The following CSMD1 variants were observed in gnomAD, a reference collection of about 807,000 sequenced individuals.
CSMD1 encodes CUB and Sushi multiple domains 1.
A neutral mutation model predicts 417.5 loss-of-function variants in CSMD1; 213 were observed. That is an observed-to-expected ratio of 0.51 (90% CI 0.46 to 0.57). The LOEUF (loss-of-function observed/expected upper bound fraction) is 0.57. Among genes scored for constraint, CSMD1 ranks in the 20% least tolerant of loss-of-function variants. CSMD1 has a pLI of 0.00. For synonymous variants in CSMD1, 2,862 were observed against 1,736.8 expected, an observed-to-expected ratio of 1.65 and a Z score of -16.11; for missense variants, 6,923 against 4,529.7, an observed-to-expected ratio of 1.53 and a Z score of -15.17.
intron 2 of CSMD1, among the ~76,000 whole-genome samples, chr8:4,613,159 G>C (rs1298160795): frequency 6.6e-6 from 1 of 152,092 alleles, no homozygotes; most frequent in African/African-American, 2.4e-5. Context: ...TCCCATAAGA[G>C]AACAAGAACA....
chr8:4,311,826 C>T (rs149068589), intron 3 of CSMD1, among the ~76,000 whole-genome samples: 135 of 151,348 alleles, frequency 8.9e-4, no homozygotes, highest in African/African-American at 2.9e-3. Context: ...GTGGAGAGTG[C>T]GAAGGAGAGG....
intron 12 of CSMD1, among the ~76,000 whole-genome samples, chr8:3,425,820 T>A (rs1471680866): frequency 6.6e-6 from 1 of 152,092 alleles, no homozygotes; most frequent in Non-Finnish European, 1.5e-5. Flanking sequence ...TCACGTATAT[T>A]GACATTGAGG....
chr8:4,493,863 A>G (rs1043153040), intron 2 of CSMD1, among the ~76,000 whole-genome samples: 113 of 152,334 alleles, frequency 7.4e-4, no homozygotes, highest in African/African-American at 2.4e-3. Context: ...TCCAGCCATG[A>G]CTGACCTCAT....
At chr8:3,374,333 G>A (rs940873335) in intron 18 of CSMD1, among the ~76,000 whole-genome samples, 2 of 152,010 alleles carry the variant, frequency 1.3e-5, no homozygotes, top group Non-Finnish European at 2.9e-5. Context: ...TGCATTTAGA[G>A]TTACTTATTA....
intron 3 of CSMD1, among the ~76,000 whole-genome samples, chr8:4,305,112 T>G (rs953391326): frequency 6.6e-6 from 1 of 152,196 alleles, no homozygotes; most frequent in Non-Finnish European, 1.5e-5. Context: ...TGGATAAAAT[T>G]TCAAAAATAA....
chr8:3,448,884 C>A (rs73660013), intron 12 of CSMD1, among the ~76,000 whole-genome samples: 12,112 of 152,284 alleles, frequency 0.08, 1,149 homozygotes, highest in African/African-American at 0.21. Context: ...AGGCATAATT[C>A]TATTCCAGAA....
At chr8:3,255,067 G>T (rs1348865459) in intron 26 of CSMD1, among the ~76,000 whole-genome samples, 2 of 152,178 alleles carry the variant, frequency 1.3e-5, no homozygotes, top group Non-Finnish European at 2.9e-5. Context: ...TGTCCTTCCT[G>T]TTTGTTAGTT....
Position 4,203,681 on chromosome 8 carries a change from G to A in CSMD1, c.416-171582C>T, listed in dbSNP as rs140393270. Among the ~76,000 whole-genome samples the A allele has an allele frequency of 5.5e-3, 836 of 152,114 alleles. 9 individuals are homozygous for A. Among genetic ancestry groups the A allele is most frequent in the African/African-American group, 0.019 (779 of 41,470 alleles). ...TGGTTCCTCTCCTGGCCATTTGTAAGTAGGGATCACACACACACAAACATA... is the reference window on the plus strand; with the variant it reads ...TGGTTCCTCTCCTGGCCATTTGTAAATAGGGATCACACACACACAAACATA... On this transcript the variant is annotated intron_variant, in intron 3 of 69. Coordinates refer to ENST00000635120, the MANE Select transcript of CSMD1 (RefSeq NM_033225.6).
rs138960748 is a variant in CSMD1, at chr8:4,888,740, G to A, written c.85+105592C>T. The stretch of plus-strand genomic sequence containing the variant: ...CAGGGAAAGTGCAGGCCAAGCCTGG[G>A]ATATGTGTTAGGGCTAAAAAGTAAG... On this transcript the variant is annotated intron_variant, in intron 1 of 69. Coordinates refer to ENST00000635120, the MANE Select transcript of CSMD1 (RefSeq NM_033225.6). Among the ~76,000 whole-genome samples the A allele has an allele frequency of 2.5e-3, 374 of 152,172 alleles. 5 individuals carry two copies. The highest frequency in any genetic ancestry group is 8.4e-3 in the African/African-American group (349 of 41,464).
chr8:4,398,314 T>C (rs1036233212), intron 3 of CSMD1, among the ~76,000 whole-genome samples: 2 of 152,126 alleles, frequency 1.3e-5, no homozygotes. Context: ...TAGTATGAGT[T>C]TTAAATATTC....
At position 3,362,451 on chromosome 8, in the gene CSMD1, T is replaced by C. The variant is rs573411123; in HGVS notation, c.3116-3111A>G. On this transcript the variant is annotated intron_variant, in intron 20 of 69. Transcript: ENST00000635120. The stretch of plus-strand genomic sequence containing the variant: ...TAATACAGTTGAATGCTCTCTTTTT[T>C]CTCCAAAGGCTTTCCTTTCTTAGCT... 3.3e-5 allele frequency among the ~76,000 whole-genome samples: 5 copies of C among 152,304 alleles called. No homozygotes were observed. The East Asian group carries it at 9.7e-4, about 29-fold the overall frequency.
rs60269580 is a variant in CSMD1 at position 4,044,749 on chromosome 8, CCACCCTGGCCACATAG to C, written c.416-12666_416-12651del. ...GGACACGTACCACCCTGGGCATGTA[CCACCCTGGCCACATAG>C]CACCCTAGCCGTGTAGCACCCTGAG... On this transcript the variant is annotated intron_variant, in intron 3 of 69. Transcript: ENST00000635120. Among the ~76,000 whole-genome samples the C allele has an allele frequency of 7.5e-3, 1,138 of 152,316 alleles. 13 individuals are homozygous for C. Among genetic ancestry groups the C allele is most frequent in the African/African-American group, 0.026 (1,085 of 41,556 alleles).
At chr8:4,626,339 T>C (rs146359340) in intron 2 of CSMD1, among the ~76,000 whole-genome samples, 2 of 149,162 alleles carry the variant, frequency 1.3e-5, no homozygotes, top group Non-Finnish European at 3.0e-5. Flanking sequence ...CAGCCACACC[T>C]TTTTTTTTAA....
chr8:4,847,399 T>A (rs1425823949), intron 1 of CSMD1, among the ~76,000 whole-genome samples: 1 of 152,196 alleles, frequency 6.6e-6, no homozygotes, highest in African/African-American at 2.4e-5. Context: ...TCTTTTTCAA[T>A]AAATTTTAAA....
intron 1 of CSMD1, among the ~76,000 whole-genome samples, chr8:4,681,910 C>T (rs1005654765): frequency 2.0e-5 from 3 of 152,148 alleles, no homozygotes; most frequent in Admixed American, 6.5e-5. Context: ...GTAAGCCCTA[C>T]CTCGTGCTTG....
At chr8:3,453,770 G>A (rs1024513716) in intron 12 of CSMD1, among the ~76,000 whole-genome samples, 11 of 152,164 alleles carry the variant, frequency 7.2e-5, no homozygotes, top group African/African-American at 1.7e-4. Context: ...GTATGGTGCT[G>A]AAAAGAATAT....
chr8:3,362,930 T>C (rs749064530), intron 20 of CSMD1, among the ~76,000 whole-genome samples: 22 of 152,202 alleles, frequency 1.4e-4, no homozygotes, highest in Non-Finnish European at 2.5e-4. Flanking sequence ...CAAGTAAACA[T>C]TGAAAAAGCT....
intron 2 of CSMD1, among the ~76,000 whole-genome samples, chr8:4,459,595 A>G (rs992005791): frequency 6.6e-6 from 1 of 152,214 alleles, no homozygotes; most frequent in African/African-American, 2.4e-5. Context: ...GTCTAAGATA[A>G]TAAGAGACAG....
intron 10 of CSMD1, among the ~76,000 whole-genome samples, chr8:3,495,641 G>C (rs775813510): frequency 6.6e-6 from 1 of 152,236 alleles, no homozygotes; most frequent in South Asian, 2.1e-4. Flanking sequence ...TTGTCATATG[G>C]CATTTTACAA....
Sources: gnomAD v4.1 joint callset for allele counts (sites outside exome capture counted in the v4.1 genomes callset) on GRCh38, gnomAD v4.1.1 for gene constraint, MANE v1.5 for transcripts, NCBI Gene and HGNC (gene_info 2026-07-23, HGNC 2026-07-21) for gene names.